The following DLGAP2 variants were observed in gnomAD, a reference collection of about 807,000 sequenced individuals.
DLGAP2 encodes DLG associated protein 2.
In DLGAP2, 26 loss-of-function variants were observed where a neutral mutation model predicts 100.3. The ratio of observed to expected loss-of-function variants is 0.26; its 90% CI spans 0.19 to 0.36. DLGAP2 has a LOEUF of 0.36. Ranked by LOEUF, DLGAP2 falls within the 10% of genes least tolerant of loss-of-function variation. DLGAP2 has a pLI of 1.00. For synonymous variants in DLGAP2, 886 were observed against 630.1 expected, an observed-to-expected ratio of 1.41 and a Z score of -6.08; for missense variants, 1,858 against 1,453.2, an observed-to-expected ratio of 1.28 and a Z score of -4.53.
intron 2 of DLGAP2, among the ~76,000 whole-genome samples, chr8:1,020,267 C>CAATA (rs1563148102): frequency 6.6e-6 from 1 of 152,002 alleles, no homozygotes. Context: ...AACCCTGAAG[C>CAATA]GTATTAGAAA....
At chr8:944,075 A>G (rs937148148) in intron 2 of DLGAP2, among the ~76,000 whole-genome samples, 1 of 152,240 alleles carries the variant, frequency 6.6e-6, no homozygotes, top group African/African-American at 2.4e-5. Context: ...ATCTAACTAT[A>G]TTGTATAATT....
intron 4 of DLGAP2, among the ~76,000 whole-genome samples, chr8:1,507,205 G>C (rs1442140565): frequency 6.6e-6 from 1 of 152,228 alleles, no homozygotes; most frequent in Non-Finnish European, 1.5e-5. Context: ...CGCGGAGCAG[G>C]GGGCAGCGTC....
intron 1 of DLGAP2, among the ~76,000 whole-genome samples, chr8:748,291 G>A (rs988816077): frequency 1.3e-5 from 2 of 150,806 alleles, no homozygotes; most frequent in Admixed American, 6.6e-5. Flanking sequence ...GTGGACTCTG[G>A]TGGTGGCTCC....
chr8:740,684 T>C (rs945674104), intron 1 of DLGAP2, among the ~76,000 whole-genome samples: 1 of 152,240 alleles, frequency 6.6e-6, no homozygotes, highest in African/African-American at 2.4e-5. Context: ...TTTTGTTTTG[T>C]TTTATTTTGA....
intron 3 of DLGAP2, among the ~76,000 whole-genome samples, chr8:1,359,389 G>C (rs1801926046): frequency 6.6e-6 from 1 of 152,260 alleles, no homozygotes; most frequent in South Asian, 2.1e-4. Flanking sequence ...GCTGCCCTGG[G>C]CTTCAGAGGA....
intron 4 of DLGAP2, among the ~76,000 whole-genome samples, chr8:1,543,294 C>A (rs146149976): frequency 6.6e-6 from 1 of 152,184 alleles, no homozygotes; most frequent in African/African-American, 2.4e-5. Flanking sequence ...AGAAATGCAT[C>A]TATGTTTTCT....
chr8:752,725 G>A (rs78067741), intron 1 of DLGAP2, among the ~76,000 whole-genome samples: 10,630 of 152,204 alleles, frequency 0.07, 542 homozygotes, highest in Admixed American at 0.17. Flanking sequence ...GCCTGGAGGT[G>A]CAGGCTGTGC....
chr8:1,139,742 G>A (rs1181667206), intron 2 of DLGAP2, among the ~76,000 whole-genome samples: 1 of 152,198 alleles, frequency 6.6e-6, no homozygotes, highest in Admixed American at 6.5e-5. Flanking sequence ...TTCTTGGAGA[G>A]GGAGTGAGGA....
intron 3 of DLGAP2, among the ~76,000 whole-genome samples, chr8:1,307,226 G>T (rs1800511972): frequency 6.6e-6 from 1 of 152,092 alleles, no homozygotes; most frequent in South Asian, 2.1e-4. Context: ...AAAGGACTTG[G>T]ATATTTCTCC....
In DLGAP2 at chr8:876,702, C is replaced by G. The variant is rs1797691988; in HGVS notation, c.19-31210C>G. ...TTCAGTATGTTTGGGAGGTTTTCAG[C>G]TATTATTTTTTGCATATCTTTTTTG... On this transcript the variant is annotated intron_variant, in intron 1 of 14. Transcript: ENST00000637795. Among the ~76,000 whole-genome samples the G allele has an allele frequency of 3.3e-5, 5 of 152,130 alleles. No individual in the cohort carries two copies. The South Asian group carries it at 8.3e-4, about 25-fold the overall frequency.
At chr8:1,092,762 C>T (rs1444702093) in intron 2 of DLGAP2, among the ~76,000 whole-genome samples, 1 of 152,104 alleles carries the variant, frequency 6.6e-6, no homozygotes, top group Non-Finnish European at 1.5e-5. Flanking sequence ...TGTGGCTCTC[C>T]CAGCAACACA....
intron 3 of DLGAP2, among the ~76,000 whole-genome samples, chr8:1,424,484 C>T (rs529334210): frequency 1.3e-5 from 2 of 152,206 alleles, no homozygotes; most frequent in Non-Finnish European, 2.9e-5. Context: ...GAATGTTACC[C>T]TGTCATAGAA....
At chr8:752,314 G>A (rs577467137) in intron 1 of DLGAP2, among the ~76,000 whole-genome samples, 1 of 152,318 alleles carries the variant, frequency 6.6e-6, no homozygotes, top group South Asian at 2.1e-4. Context: ...AGAAGGCAAG[G>A]TGCACGTTGC....
chr8:1,319,044 G>C (rs899942337), intron 3 of DLGAP2, among the ~76,000 whole-genome samples: 1 of 148,410 alleles, frequency 6.7e-6, no homozygotes, highest in Admixed American at 6.7e-5. Flanking sequence ...GCGAACAATG[G>C]GCTCCCTGTT....
chr8:1,477,125 G>A (rs1252336975), intron 3 of DLGAP2, among the ~76,000 whole-genome samples: 1 of 148,692 alleles, frequency 6.7e-6, no homozygotes, highest in Non-Finnish European at 1.5e-5. Flanking sequence ...ATCTCAAGAG[G>A]GCTTGACCCA....
chr8:813,275 C>G (rs1052758289), intron 1 of DLGAP2, among the ~76,000 whole-genome samples: 1 of 150,798 alleles, frequency 6.6e-6, no homozygotes, highest in Non-Finnish European at 1.5e-5. Context: ...GAAAAAAAAA[C>G]CAAAATGCTG....
intron 3 of DLGAP2, among the ~76,000 whole-genome samples, chr8:1,411,451 C>T (rs1344437655): frequency 6.6e-6 from 1 of 152,200 alleles, no homozygotes; most frequent in Non-Finnish European, 1.5e-5. Context: ...CCTTTGGCCC[C>T]ACTTGTGCCG....
chr8:1,040,153 C>A (rs573013876), intron 2 of DLGAP2, among the ~76,000 whole-genome samples: 1 of 142,012 alleles, frequency 7.0e-6, no homozygotes, highest in Non-Finnish European at 1.5e-5. Flanking sequence ...TGCACGTGTT[C>A]GGCTCGGTGT....
At chr8:1,543,440 G>A (rs754346718) in intron 4 of DLGAP2, among the ~76,000 whole-genome samples, 1 of 152,218 alleles carries the variant, frequency 6.6e-6, no homozygotes, top group Non-Finnish European at 1.5e-5. Flanking sequence ...ATTTGTAGGA[G>A]AGACTATTCT....
Sources: allele counts gnomAD v4.1 joint callset (sites outside exome capture counted in the v4.1 genomes callset), GRCh38; gene constraint gnomAD v4.1.1; transcripts MANE v1.5; gene names NCBI Gene and HGNC (gene_info 2026-07-23, HGNC 2026-07-21).